The following SLC25A24 variants were observed in gnomAD, a reference collection of about 807,000 sequenced individuals.
The protein encoded by SLC25A24 is mitochondrial adenyl nucleotide antiporter SLC25A24.
Under a neutral mutation model 60.7 loss-of-function variants are expected in SLC25A24, and 49 were observed. That is an observed-to-expected ratio of 0.81 (90% CI 0.64 to 1.02). The LOEUF is 1.02. Ranked by LOEUF, SLC25A24 falls within the 50% of genes least tolerant of loss-of-function variation. The pLI, the probability that SLC25A24 is intolerant of heterozygous loss-of-function variation, is 0.00. For missense variants in SLC25A24, 564 were observed against 586.3 expected (o/e 0.96, Z 0.39); for synonymous variants, 202 against 200.6 (o/e 1.01, Z -0.06).
At chr1:108,168,408 GATT>G (rs1311961109) in intron 3 of SLC25A24, among the ~76,000 whole-genome samples, 1 of 152,074 alleles carries the variant, frequency 6.6e-6, no homozygotes, top group African/African-American at 2.4e-5. Context: ...ACAAGGCAAG[GATT>G]TTTTTTAATT....
chr1:108,159,357 C>T (rs910237329), intron 4 of SLC25A24, among the ~76,000 whole-genome samples: 1 of 151,940 alleles, frequency 6.6e-6, no homozygotes, highest in African/African-American at 2.4e-5. Flanking sequence ...AACTTTTACA[C>T]TTCCCTATGG....
chr1:108,179,554 T>C lies in SLC25A24; in HGVS notation c.398+2387A>G, dbSNP rs1219131997. On this transcript the variant is annotated intron_variant, in intron 3 of 9. Coordinates refer to ENST00000565488, the MANE Select transcript of SLC25A24 (RefSeq NM_013386.5). ...ATGAAGAGAGAAAATGTGCTATATATATACAATAGAAAACTATTCGGCCAT... is the reference window on the plus strand; with the variant it reads ...ATGAAGAGAGAAAATGTGCTATATACATACAATAGAAAACTATTCGGCCAT... 2.0e-5 allele frequency among the ~76,000 whole-genome samples: 3 copies of C among 152,118 alleles called. No homozygotes were observed. The East Asian group carries it at 5.8e-4, about 29-fold the overall frequency.
intron 1 of SLC25A24, among the ~76,000 whole-genome samples, chr1:108,191,727 G>A (rs762037394): frequency 1.4e-5 from 2 of 139,608 alleles, no homozygotes; most frequent in Non-Finnish European, 3.1e-5. Context: ...TTTTGGGCAC[G>A]AAGTACCAAT....
intron 2 of SLC25A24, among the ~76,000 whole-genome samples, chr1:108,182,266 T>C (rs1647957439): frequency 6.6e-6 from 1 of 152,200 alleles, no homozygotes; most frequent in Non-Finnish European, 1.5e-5. Context: ...AACAGCCTTA[T>C]AGATAAATAA....
chr1:108,198,950 C>G (rs987402183), intron 1 of SLC25A24: 6 of 152,160 alleles, frequency 3.9e-5, no homozygotes, highest in Admixed American at 3.3e-4. Context: ...GAATAAAATA[C>G]ACAAAACTTT....
intron 7 of SLC25A24, among the ~76,000 whole-genome samples, chr1:108,144,380 T>G (rs1194366837): frequency 6.6e-6 from 1 of 152,172 alleles, no homozygotes; most frequent in East Asian, 1.9e-4. Flanking sequence ...GTTGCAAGCC[T>G]AAAATATTAG....
chr1:108,146,095 A>C (rs1410617768), intron 7 of SLC25A24, among the ~76,000 whole-genome samples: 1 of 152,054 alleles, frequency 6.6e-6, no homozygotes, highest in African/African-American at 2.4e-5. Flanking sequence ...TTCCTTGAGG[A>C]GTGGTTTGTA....
chr1:108,149,707 G>GA (rs1178589746), intron 6 of SLC25A24, among the ~76,000 whole-genome samples: 3 of 152,172 alleles, frequency 2.0e-5, no homozygotes, highest in Non-Finnish European at 4.4e-5. Context: ...GGGACAAGGG[G>GA]AAAGTCAACA....
intron 2 of SLC25A24, 97 bp downstream of exon 2, chr1:108,185,731 C>G: frequency 1.1e-6 from 1 of 883,704 alleles, no homozygotes; most frequent in Non-Finnish European, 1.7e-6. Context: ...TAATTATCAT[C>G]TAAAACCAGA....
intron 1 of SLC25A24, among the ~76,000 whole-genome samples, chr1:108,186,845 A>G (rs946505387): frequency 6.6e-6 from 1 of 152,144 alleles, no homozygotes; most frequent in African/African-American, 2.4e-5. Flanking sequence ...TGGGAGGCTG[A>G]GGTGGGCGGA....
chr1:108,150,382 C>T (rs902613260), intron 6 of SLC25A24, among the ~76,000 whole-genome samples: 1 of 152,192 alleles, frequency 6.6e-6, no homozygotes, highest in Admixed American at 6.5e-5. Flanking sequence ...GTCACAGAGA[C>T]TTTAAGTAAC....
intron 1 of SLC25A24, among the ~76,000 whole-genome samples, chr1:108,186,233 T>C (rs1648121925): frequency 6.6e-6 from 1 of 152,182 alleles, no homozygotes; most frequent in Admixed American, 6.5e-5. Context: ...ATACCCTAAA[T>C]TTCTTGACAT....
At chr1:108,138,338 G>A (rs1679345622) in intron 9 of SLC25A24, among the ~76,000 whole-genome samples, 1 of 152,188 alleles carries the variant, frequency 6.6e-6, no homozygotes, top group African/African-American at 2.4e-5. Context: ...GGGAGGTTGG[G>A]AATAGAGCTG....
chr1:108,166,581 C>G (rs200080813), intron 3 of SLC25A24, among the ~76,000 whole-genome samples: 1 of 152,196 alleles, frequency 6.6e-6, no homozygotes, highest in African/African-American at 2.4e-5. Context: ...TCCAGTTGAT[C>G]GCATCAGCTC....
intron 3 of SLC25A24, among the ~76,000 whole-genome samples, chr1:108,179,000 A>G (rs1490924647): frequency 6.6e-6 from 1 of 152,158 alleles, no homozygotes; most frequent in Non-Finnish European, 1.5e-5. Flanking sequence ...GAACACAGTA[A>G]AAGCAATTTT....
intron 4 of SLC25A24, among the ~76,000 whole-genome samples, chr1:108,160,598 C>A (rs562152130): frequency 6.6e-6 from 1 of 152,138 alleles, no homozygotes; most frequent in African/African-American, 2.4e-5. Flanking sequence ...CCAAGGCAGG[C>A]GGCTGGGAGG....
At chr1:108,174,125 A>G (rs961719159) in intron 3 of SLC25A24, among the ~76,000 whole-genome samples, 1 of 152,244 alleles carries the variant, frequency 6.6e-6, no homozygotes, top group Non-Finnish European at 1.5e-5. Flanking sequence ...GTTAATCACT[A>G]AGACAATGGG....
intron 3 of SLC25A24, among the ~76,000 whole-genome samples, chr1:108,164,085 G>T (rs1680172394): frequency 1.3e-5 from 2 of 152,050 alleles, no homozygotes; most frequent in Non-Finnish European, 2.9e-5. Flanking sequence ...TTTATATGCT[G>T]GATTACATTT....
At chr1:108,189,656 A>C (rs1437301881) in intron 1 of SLC25A24, among the ~76,000 whole-genome samples, 3 of 152,086 alleles carry the variant, frequency 2.0e-5, no homozygotes, top group African/African-American at 7.2e-5. Context: ...TTCTACTAAA[A>C]TTTAAAACAA....
Sources: gnomAD v4.1 joint callset for allele counts (sites outside exome capture counted in the v4.1 genomes callset) on GRCh38, gnomAD v4.1.1 for gene constraint, MANE v1.5 for transcripts, NCBI Gene and HGNC (gene_info 2026-07-23, HGNC 2026-07-21) for gene names.